The following RASGRP1 variants were observed in gnomAD, a reference collection of about 807,000 sequenced individuals.
RASGRP1 encodes the protein RAS guanyl releasing protein 1, also known as RAS guanyl-releasing protein 1.
A neutral mutation model predicts 95.1 loss-of-function variants in RASGRP1; 37 were observed. The ratio of observed to expected loss-of-function variants is 0.39; its 90% CI spans 0.30 to 0.51. RASGRP1 has a LOEUF of 0.51. Among genes scored for constraint, RASGRP1 ranks in the 20% least tolerant of loss-of-function variants. RASGRP1 has a pLI of 0.80. For synonymous variants in RASGRP1, 325 were observed against 353.4 expected (o/e 0.92, Z 0.90); for missense variants, 711 against 965.4 (o/e 0.74, Z 3.49).
At position 38,505,898 on chromosome 15, in the gene RASGRP1, G is replaced by T; in HGVS notation, c.1265C>A (p.Thr422Asn). The T allele has an allele frequency of 1.2e-6, 2 of 1,611,486 alleles. No individual in the cohort carries two copies. Among genetic ancestry groups the T allele is most frequent in the Non-Finnish European group, 1.7e-6 (2 of 1,178,598 alleles). ...GGAAAGCTCATAGATTTCATCCTCA[G>T]TGTAGTAAAGATCCAGGGATAACTG... ...LLTLSLDLYY[T>N]EDEIYELSYA... Residue 422 changes from threonine (T) to asparagine (N), a missense_variant, in exon 10 of 17, where the codon ACT (threonine) becomes AAT (asparagine). By Grantham distance (65) the Thr-to-Asn change is moderately conservative. This residue lies in a region of RASGRP1 where 491 missense variants were observed against 676.6 expected (regional missense o/e 0.73). Transcript: ENST00000310803.
At chr15:38,503,540 AT>A in intron 10 of RASGRP1, 164 bp from the exon 11 acceptor site, 1 of 642,374 alleles carries the variant, frequency 1.6e-6, no homozygotes. Context: ...TCTACTAATA[AT>A]TTTGGCTAAC....
intron 1 of RASGRP1, among the ~76,000 whole-genome samples, 168 bp downstream of exon 1, chr15:38,564,426 C>G (rs562807292): frequency 2.2e-4 from 34 of 152,016 alleles, no homozygotes; most frequent in Admixed American, 1.0e-3. Context: ...GCGCAGCGCG[C>G]CGGGCGTTCT....
rs551914938 is a variant in RASGRP1, at chr15:38,515,985, G to A, written c.675+212C>T. Reference sequence around the variant, plus strand: ...AGTGGTGGGATGGTATGGGGCGGGGGCATGGAAGAAGAGAGATGGGAGAAG... The same window carrying A: ...AGTGGTGGGATGGTATGGGGCGGGGACATGGAAGAAGAGAGATGGGAGAAG... On this transcript the variant is annotated intron_variant, in intron 6 of 16. Transcript: ENST00000310803. Among the ~76,000 whole-genome samples the A allele has an allele frequency of 1.7e-3, 261 of 151,916 alleles. 2 individuals carry two copies. Among genetic ancestry groups the A allele is most frequent in the Non-Finnish European group, 2.9e-3 (198 of 67,926 alleles).
At position 38,511,667 on chromosome 15, in the gene RASGRP1, C is replaced by T; in HGVS notation, c.903G>A (p.Leu301=). 1 of 1,613,698 alleles carries T rather than the reference C, an allele frequency of 6.2e-7. No homozygotes were observed. Among genetic ancestry groups the T allele is most frequent in the Non-Finnish European group, 8.5e-7 (1 of 1,179,672 alleles). The change falls in exon 8 of 17, where the codon CTG becomes CTA. Residue 301 remains leucine, a synonymous_variant. Transcript: ENST00000310803. ...TGAGCCTCGAGATTGAGCTGTGACA[C>T]AGCCCACCTATCACAGCCATCAGTG... ...FNTLMAVIGG[L]CHSSISRLKE...
intron 1 of RASGRP1, among the ~76,000 whole-genome samples, chr15:38,563,624 C>G (rs1893901586): frequency 6.6e-6 from 1 of 152,176 alleles, no homozygotes; most frequent in African/African-American, 2.4e-5. Context: ...GTCCCGTCCT[C>G]TTCCCCTTAC....
In RASGRP1 at chr15:38,512,929, T is replaced by G; in HGVS notation, c.703A>C (p.Asn235His). The G allele has an allele frequency of 5.1e-6, 8 of 1,575,550 alleles. No individual in the cohort carries two copies. The highest frequency in any genetic ancestry group is 6.0e-6 in the Non-Finnish European group (7 of 1,165,078). ...GTGGGGTTTTCCTTCACACAGCTAT[T>G]TACAAGGTAATTCTGATAATCAGAG... The part of the protein sequence containing the change: ...SFSDYQNYLV[N>H]SCVKENPTME... The change falls in exon 7 of 17, where the codon AAT becomes CAT. Residue 235 changes from asparagine to histidine, a missense_variant. Transcript: ENST00000310803.
chr15:38,496,350 T>C (rs1376618184), intron 15 of RASGRP1, among the ~76,000 whole-genome samples: 3 of 152,316 alleles, frequency 2.0e-5, no homozygotes, highest in South Asian at 2.1e-4. Context: ...CAAGTACTTA[T>C]CTTACCACTG....
intron 8 of RASGRP1, among the ~76,000 whole-genome samples, chr15:38,511,288 G>A (rs1891502734): frequency 6.6e-6 from 1 of 152,172 alleles, no homozygotes; most frequent in African/African-American, 2.4e-5. Context: ...GAGCTGGAGC[G>A]AGGGAATCAG....
intron 2 of RASGRP1, among the ~76,000 whole-genome samples, chr15:38,547,028 C>T (rs951382778): frequency 1.2e-4 from 19 of 152,198 alleles, no homozygotes; most frequent in African/African-American, 4.1e-4. Context: ...ACCAAAAACA[C>T]AGATTGTGTT....
chr15:38,536,117 C>T (rs144227757), intron 2 of RASGRP1, among the ~76,000 whole-genome samples: 9 of 152,324 alleles, frequency 5.9e-5, no homozygotes, highest in East Asian at 5.8e-4. Flanking sequence ...CTTCTGGGTC[C>T]CATCAAACTC....
intron 3 of RASGRP1, among the ~76,000 whole-genome samples, chr15:38,524,898 G>A (rs1031054497): frequency 1.3e-5 from 2 of 151,808 alleles, no homozygotes; most frequent in Admixed American, 6.6e-5. Flanking sequence ...GGAAAGGGAG[G>A]GGGGGTCTGC....
chr15:38,501,346 A>AG (rs780656904), intron 12 of RASGRP1, 59 bp from the exon 13 acceptor site: 37 of 1,577,698 alleles, frequency 2.3e-5, no homozygotes, highest in Admixed American at 1.0e-4. Flanking sequence ...GCAGGTAGCA[A>AG]GGGGGGGCTT....
chr15:38,535,246 CCTT>C (rs1208808637), intron 2 of RASGRP1, among the ~76,000 whole-genome samples: 1 of 152,100 alleles, frequency 6.6e-6, no homozygotes, highest in African/African-American at 2.4e-5. Flanking sequence ...TTTGGCATGT[CCTT>C]CTCCTCGGGG....
At chr15:38,513,115 C>T (rs1386120908) in intron 6 of RASGRP1, among the ~76,000 whole-genome samples, 159 bp from the exon 7 acceptor site, 1 of 152,198 alleles carries the variant, frequency 6.6e-6, no homozygotes, top group Non-Finnish European at 1.5e-5. Context: ...TGGCCACTTG[C>T]CAACAAGCAT....
At chr15:38,500,763 T>C (rs114512986) in intron 13 of RASGRP1, among the ~76,000 whole-genome samples, 106 of 152,214 alleles carry the variant, frequency 7.0e-4, no homozygotes, top group African/African-American at 2.5e-3. Context: ...GACCCGAGTT[T>C]AGGGGGAAAC....
chr15:38,498,050 GA>G (rs937373666), intron 15 of RASGRP1, among the ~76,000 whole-genome samples: 2 of 152,172 alleles, frequency 1.3e-5, no homozygotes, highest in Non-Finnish European at 2.9e-5. Context: ...CTCTCCTGGA[GA>G]AAAATTGGGG....
At chr15:38,497,231 C>T (rs900367416) in intron 15 of RASGRP1, among the ~76,000 whole-genome samples, 2 of 152,156 alleles carry the variant, frequency 1.3e-5, no homozygotes, top group African/African-American at 4.8e-5. Flanking sequence ...CCTAGTATAG[C>T]ACTATGAAGC....
chr15:38,519,240 A>G, intron 4 of RASGRP1, 69 bp downstream of exon 4: 1 of 1,339,184 alleles, frequency 7.5e-7, no homozygotes, highest in Non-Finnish European at 1.1e-6. Context: ...AAAGGCAGGG[A>G]AAGTCCCTTG....
In RASGRP1 at chr15:38,553,100, G is replaced by T. The variant is rs538859703; in HGVS notation, c.220+6721C>A. ...GGGAACCTGTGGGCCTTCAGAGGTG[G>T]CATGCCCAGGAAGCTGGCTCTGCTT... On this transcript the variant is annotated intron_variant, in intron 2 of 16. Transcript: ENST00000310803. Among the ~76,000 whole-genome samples the T allele has an allele frequency of 8.5e-5, 13 of 152,262 alleles. No individual in the cohort carries two copies. The South Asian group carries it at 1.5e-3, about 17-fold the overall frequency.
Sources: gnomAD v4.1 joint callset for allele counts (sites outside exome capture counted in the v4.1 genomes callset) on GRCh38, gnomAD v4.1.1 for gene constraint, gnomAD v4.1.1 regional missense constraint, MANE v1.5 for transcripts, NCBI Gene and HGNC (gene_info 2026-07-23, HGNC 2026-07-21) for gene names.